The following PRDM11 variants were observed in gnomAD, a reference collection of about 807,000 sequenced individuals.
PRDM11 encodes PR/SET domain 11, also known as PR domain-containing protein 11.
Under a neutral mutation model 97.8 loss-of-function variants are expected in PRDM11, and 20 were observed. The observed-to-expected ratio is 0.20, with a 90% CI of 0.14 to 0.30. PRDM11 has a LOEUF of 0.30. PRDM11 is among the 10% of genes least tolerant of loss of function. The probability of loss-of-function intolerance (pLI) is 1.00; values close to 1 mark genes in which losing one functional copy is unlikely to be tolerated. For missense variants in PRDM11, 1,139 were observed against 1,555.2 expected (o/e 0.73, Z 4.50); for synonymous variants, 599 against 637.7 (o/e 0.94, Z 0.91).
chr11:45,211,471 T>C (rs1286876831), intron 5 of PRDM11, among the ~76,000 whole-genome samples: 1 of 152,150 alleles, frequency 6.6e-6, no homozygotes, highest in East Asian at 1.9e-4. Flanking sequence ...AGGACCCACA[T>C]GTGCAGAGGC....
In PRDM11 at chr11:45,219,382, G is replaced by T. The variant is rs957555347; in HGVS notation, c.555-188G>T. On this transcript the variant is annotated intron_variant, in intron 5 of 7. Coordinates refer to ENST00000683152, the MANE Select transcript of PRDM11 (RefSeq NM_001384648.1). The surrounding 1 kb of genome is among the most constrained non-coding windows in gnomAD (Gnocchi z 4.2). The stretch of plus-strand genomic sequence containing the variant: ...GCTTGAGGTCCCACAACACGGTGAC[G>T]TTGGGACAGGGATGGGTTCTGGCTG... 3.9e-5 allele frequency among the ~76,000 whole-genome samples: 6 copies of T among 152,310 alleles called. No individual in the cohort carries two copies. Among genetic ancestry groups the T allele is most frequent in the Admixed American group, 2.6e-4 (4 of 15,300 alleles).
chr11:45,146,008 G>A (rs113024387), upstream of PRDM11, among the ~76,000 whole-genome samples: 1 of 152,288 alleles, frequency 6.6e-6, no homozygotes, highest in Admixed American at 6.5e-5. Flanking sequence ...CCAGTTCTCA[G>A]AATCTCTCTC....
At chr11:45,192,306 A>G (rs1216942091) in intron 4 of PRDM11, among the ~76,000 whole-genome samples, 1 of 152,224 alleles carries the variant, frequency 6.6e-6, no homozygotes, top group Non-Finnish European at 1.5e-5. Flanking sequence ...TCTCAGATGC[A>G]ATGGATCATA....
chr11:45,182,109 A>G lies in PRDM11; in HGVS notation c.120-137A>G, dbSNP rs1590412979. 10 of 788,266 alleles carry G rather than the reference A, an allele frequency of 1.3e-5. No homozygotes were observed. In the East Asian group the frequency reaches 2.7e-4, roughly 21 times the overall value. 48.8% of individuals were successfully genotyped at this position (788,266 alleles called of 1,614,324 possible). On this transcript the variant is annotated intron_variant, in intron 2 of 7. Coordinates refer to ENST00000683152, the MANE Select transcript of PRDM11 (RefSeq NM_001384648.1). ...GTTTTTCCACCACCTCCTGCACTGA[A>G]CAGCAGGCTGGCTGGGACTCCTCTG... is the stretch of plus-strand genomic sequence containing the variant.
chr11:45,101,567 AAAGAAGAAGAAG>A (rs1554963213), intron 1 of PRDM11, among the ~76,000 whole-genome samples: 2 of 96,864 alleles, frequency 2.1e-5, no homozygotes, highest in Admixed American at 1.1e-4. Context: ...AAAAAAAAAA[AAAGAAGAAGAAG>A]AAGAAGAAGA....
At chr11:45,095,679 T>A (rs1234613769), upstream of PRDM11, 1 of 640,382 alleles carries the variant, frequency 1.6e-6, no homozygotes, top group African/African-American at 1.8e-5. Context: ...CCCTGGGACA[T>A]GTCCTCTTGG....
At chr11:45,110,914 TAAGA>T (rs146392158) in intron 1 of PRDM11, among the ~76,000 whole-genome samples, 8 of 152,322 alleles carry the variant, frequency 5.3e-5, no homozygotes, top group African/African-American at 1.9e-4. Context: ...GATTCCAATC[TAAGA>T]GTCAGATTCC....
intron 4 of PRDM11, among the ~76,000 whole-genome samples, chr11:45,188,831 T>C (rs1360615999): frequency 1.3e-5 from 2 of 152,008 alleles, no homozygotes; most frequent in Non-Finnish European, 1.5e-5. Flanking sequence ...CATTTGGGGG[T>C]GCTGCGCAGC....
rs116020659 is a variant in PRDM11 at position 45,110,279 on chromosome 11, C to G, written c.96+14378C>G. Among the ~76,000 whole-genome samples the G allele has an allele frequency of 6.3e-3, 959 of 151,972 alleles. 16 individuals are homozygous for G. The highest frequency in any genetic ancestry group is 0.022 in the African/African-American group (918 of 41,288). ...AGAAGTGGCAGCTAAGCTTCGGAGC[C>G]AGAAAAATGAGAGCCCTGAGTACAT... On this transcript the variant is annotated intron_variant, in intron 1 of 6. Coordinates refer to the PRDM11 transcript ENST00000530656.
At chr11:45,122,200 CAG>C (rs1203288339) in intron 1 of PRDM11, among the ~76,000 whole-genome samples, 4,177 of 117,290 alleles carry the variant, frequency 0.036, 161 homozygotes, top group African/African-American at 0.1. Flanking sequence ...GACACACACA[CAG>C]ACACACACAC....
intron 4 of PRDM11, among the ~76,000 whole-genome samples, chr11:45,191,468 A>C (rs1221219991): frequency 6.6e-6 from 1 of 152,146 alleles, no homozygotes; most frequent in East Asian, 1.9e-4. Flanking sequence ...ACCCCCACTC[A>C]ATCCTCATTT....
In PRDM11 at chr11:45,110,515, C is replaced by T. The variant is rs375039711; in HGVS notation, c.96+14614C>T. Among the ~76,000 whole-genome samples the T allele has an allele frequency of 1.3e-3, 194 of 152,300 alleles. 5 individuals carry two copies. The South Asian group carries it at 0.039, about 30-fold the overall frequency. On this transcript the variant is annotated intron_variant, in intron 1 of 6. Coordinates refer to the PRDM11 transcript ENST00000530656. ...AAATACCCTGAAAGCAACATGCAGC[C>T]GGACCCAACTATCTGTGAGCTGGAA...
At position 45,219,667 on chromosome 11, in the gene PRDM11, G is replaced by A. The variant is rs1193996302; in HGVS notation, c.652G>A (p.Gly218Arg). The A allele has an allele frequency of 6.2e-7, 1 of 1,614,084 alleles. No individual in the cohort carries two copies. The change falls in exon 6 of 8, where the codon GGG becomes AGG. Residue 218 changes from glycine to arginine, a missense_variant. Coordinates refer to ENST00000683152, the MANE Select transcript of PRDM11 (RefSeq NM_001384648.1). The surrounding 1 kb of genome is among the most constrained non-coding windows in gnomAD (Gnocchi z 4.2). The part of the protein sequence containing the change: ...YFRACRDIRP[G>R]EWLRVWYSED... ...CCGGGCGTGCAGGGACATCCGGCCT[G>A]GGGAGTGGCTGCGGGTCTGGTACAG...
At chr11:45,177,356 AC>A (rs1232393649) in intron 1 of PRDM11, among the ~76,000 whole-genome samples, 1 of 151,046 alleles carries the variant, frequency 6.6e-6, no homozygotes, top group South Asian at 2.1e-4. Flanking sequence ...AAGCCTGCCG[AC>A]CCCCCTTCCC....
At chr11:45,210,286 T>C (rs1344017107) in intron 5 of PRDM11, among the ~76,000 whole-genome samples, 2 of 152,190 alleles carry the variant, frequency 1.3e-5, no homozygotes. Context: ...CTTCTCCCTC[T>C]GTACTTGTCC....
chr11:45,195,637 G>A (rs1034101401), intron 4 of PRDM11, among the ~76,000 whole-genome samples: 4 of 151,120 alleles, frequency 2.6e-5, no homozygotes, highest in African/African-American at 4.9e-5. Flanking sequence ...GCAGTAGCTC[G>A]ATCTTGGCTC....
intron 1 of PRDM11, among the ~76,000 whole-genome samples, chr11:45,127,970 G>A (rs1380968751): frequency 1.3e-5 from 2 of 152,254 alleles, no homozygotes; most frequent in African/African-American, 4.8e-5. Flanking sequence ...GAGGCAGGCA[G>A]GCCTCCTTGA....
intron 1 of PRDM11, among the ~76,000 whole-genome samples, chr11:45,155,489 G>A (rs1008330861): frequency 5.3e-5 from 8 of 152,152 alleles, no homozygotes; most frequent in African/African-American, 1.9e-4. Flanking sequence ...GCTTGTCCCT[G>A]ACCTCACAGC....
chr11:45,181,034 C>T (rs562194487), intron 1 of PRDM11, among the ~76,000 whole-genome samples: 1 of 152,184 alleles, frequency 6.6e-6, no homozygotes. Context: ...CGCCGCTCGC[C>T]CAGTCCCAGG....
Sources: gnomAD v4.1 joint callset for allele counts (sites outside exome capture counted in the v4.1 genomes callset) on GRCh38, gnomAD v4.1.1 for gene constraint, Gnocchi (gnomAD v3.1) non-coding constraint, MANE v1.5 for transcripts, NCBI Gene and HGNC (gene_info 2026-07-23, HGNC 2026-07-21) for gene names.